The following MGAT4C variants were observed in gnomAD, a reference collection of about 807,000 sequenced individuals.
MGAT4C encodes the protein MGAT4 family member C.
MGAT4C carries 19 observed loss-of-function variants against 40.1 expected under a neutral mutation model. The ratio of observed to expected loss-of-function variants is 0.47; its 90% CI spans 0.33 to 0.70. MGAT4C has a LOEUF of 0.70. MGAT4C is among the 30% of genes least tolerant of loss of function. The probability of loss-of-function intolerance (pLI) is 0.02; values close to 1 mark genes in which losing one functional copy is unlikely to be tolerated. For synonymous variants in MGAT4C, 181 were observed against 187.1 expected (o/e 0.97, Z 0.27); for missense variants, 491 against 563.2 (o/e 0.87, Z 1.30).
At chr12:86,831,367 C>G (rs1952924570) in intron 1 of MGAT4C, among the ~76,000 whole-genome samples, 1 of 151,590 alleles carries the variant, frequency 6.6e-6, no homozygotes, top group Non-Finnish European at 1.5e-5. Context: ...TGTTACAAAT[C>G]CTATACACTT....
In MGAT4C at chr12:86,408,477, C is replaced by A. The variant is rs200563728; in HGVS notation, c.-120+26680G>T. 7.3e-3 allele frequency among the ~76,000 whole-genome samples: 709 copies of A among 96,910 alleles called. 2 individuals carry two copies. Among genetic ancestry groups the A allele is most frequent in the East Asian group, 0.027 (68 of 2,482 alleles). 63.6% of individuals were successfully genotyped at this position (96,910 alleles called of 152,430 possible). ...TCTCTCTCTCTCTCTCTCTCTCTCT[C>A]TCTATATATATATATATATATATAT... is the stretch of plus-strand genomic sequence containing the variant. On this transcript the variant is annotated intron_variant, in intron 3 of 7. Coordinates refer to the MGAT4C transcript ENST00000548651.
chr12:86,143,369 T>G (rs1488522412), intron 1 of MGAT4C, among the ~76,000 whole-genome samples: 1 of 152,170 alleles, frequency 6.6e-6, no homozygotes, highest in East Asian at 1.9e-4. Context: ...AAAACCAATT[T>G]ACATTTAATT....
intron 1 of MGAT4C, among the ~76,000 whole-genome samples, chr12:86,253,264 A>G (rs1952376956): frequency 6.6e-6 from 1 of 151,920 alleles, no homozygotes. Context: ...CCAAGTACCT[A>G]GAAGAGTGCC....
intron 2 of MGAT4C, among the ~76,000 whole-genome samples, chr12:86,014,663 G>C (rs10863147): frequency 0.45 from 67,946 of 151,736 alleles, 16,077 homozygotes; most frequent in African/African-American, 0.54. Context: ...TCACCCTGCT[G>C]TTGGCAAGAA....
intron 1 of MGAT4C, among the ~76,000 whole-genome samples, chr12:86,769,940 C>T (rs1724669322): frequency 6.6e-6 from 1 of 151,922 alleles, no homozygotes; most frequent in Non-Finnish European, 1.5e-5. Flanking sequence ...TGCAGCACAC[C>T]AGCATGGCAC....
chr12:86,550,156 G>T (rs1959277517), intron 2 of MGAT4C, among the ~76,000 whole-genome samples: 1 of 152,086 alleles, frequency 6.6e-6, no homozygotes. Context: ...ATAGGTACTT[G>T]TTTCTTCTTC....
chr12:86,743,108 GTGTA>G (rs1186023601), intron 1 of MGAT4C, among the ~76,000 whole-genome samples: 1 of 135,764 alleles, frequency 7.4e-6, no homozygotes, highest in Non-Finnish European at 1.6e-5. Flanking sequence ...GTATGTATGT[GTGTA>G]TGCATGTGTG....
At chr12:86,222,439 C>T (rs1423688195) in intron 1 of MGAT4C, among the ~76,000 whole-genome samples, 1 of 152,118 alleles carries the variant, frequency 6.6e-6, no homozygotes, top group African/African-American at 2.4e-5. Flanking sequence ...ATTTTCCTGA[C>T]ATTGAACGAA....
At chr12:86,382,722 C>T (rs1034992580) in intron 3 of MGAT4C, among the ~76,000 whole-genome samples, 1 of 152,174 alleles carries the variant, frequency 6.6e-6, no homozygotes, top group African/African-American at 2.4e-5. Context: ...CCTAGCTGCT[C>T]CAGCCAGGGC....
chr12:86,585,571 A>G (rs1960984280), intron 2 of MGAT4C, among the ~76,000 whole-genome samples: 1 of 151,402 alleles, frequency 6.6e-6, no homozygotes, highest in Non-Finnish European at 1.5e-5. Flanking sequence ...CATATTAATA[A>G]TTTAATGAAC....
chr12:86,771,350 A>T (rs1359828460), intron 1 of MGAT4C, among the ~76,000 whole-genome samples: 1 of 152,180 alleles, frequency 6.6e-6, no homozygotes, highest in African/African-American at 2.4e-5. Context: ...ACATTGAAAA[A>T]TATGAAAGTG....
At chr12:86,717,026 C>T (rs553148415) in intron 2 of MGAT4C, among the ~76,000 whole-genome samples, 3 of 152,184 alleles carry the variant, frequency 2.0e-5, no homozygotes, top group Non-Finnish European at 4.4e-5. Flanking sequence ...CATGGTTTCT[C>T]ATGGTTTGTG....
intron 2 of MGAT4C, among the ~76,000 whole-genome samples, chr12:86,458,020 T>C (rs1957538524): frequency 6.6e-6 from 1 of 152,028 alleles, no homozygotes; most frequent in African/African-American, 2.4e-5. Flanking sequence ...AAAACTTTTT[T>C]GTCAATACAA....
intron 1 of MGAT4C, among the ~76,000 whole-genome samples, chr12:86,824,178 ACCC>A (rs1952758177): frequency 6.6e-6 from 1 of 151,252 alleles, no homozygotes; most frequent in Non-Finnish European, 1.5e-5. Flanking sequence ...TATCAGATTG[ACCC>A]TGGCATATTA....
intron 1 of MGAT4C, among the ~76,000 whole-genome samples, chr12:86,193,214 T>A (rs1889722873): frequency 1.3e-5 from 2 of 150,238 alleles, no homozygotes; most frequent in Admixed American, 1.3e-4. Context: ...TAGAATGAAA[T>A]CCTTTTTTAT....
At chr12:86,475,720 T>C (rs140483647) in intron 2 of MGAT4C, among the ~76,000 whole-genome samples, 1 of 152,222 alleles carries the variant, frequency 6.6e-6, no homozygotes, top group East Asian at 1.9e-4. Flanking sequence ...AAATTAAAAA[T>C]GTGATAGCCA....
At chr12:86,520,769 T>C (rs1958779671) in intron 2 of MGAT4C, among the ~76,000 whole-genome samples, 1 of 152,132 alleles carries the variant, frequency 6.6e-6, no homozygotes, top group South Asian at 2.1e-4. Flanking sequence ...TTAATAGCCA[T>C]TCTGACTGGT....
chr12:86,198,519 T>G (rs1337466487), intron 1 of MGAT4C, among the ~76,000 whole-genome samples: 1 of 152,236 alleles, frequency 6.6e-6, no homozygotes, highest in African/African-American at 2.4e-5. Context: ...GCATTTTCAT[T>G]GTTCGCATGC....
chr12:86,450,108 G>C (rs1483672315), intron 2 of MGAT4C, among the ~76,000 whole-genome samples: 1 of 151,996 alleles, frequency 6.6e-6, no homozygotes, highest in African/African-American at 2.4e-5. Context: ...GTATTCATAT[G>C]TTCAGCGTTA....
Sources: allele counts gnomAD v4.1 joint callset (sites outside exome capture counted in the v4.1 genomes callset), GRCh38; gene constraint gnomAD v4.1.1; transcripts MANE v1.5; gene names NCBI Gene and HGNC (gene_info 2026-07-23, HGNC 2026-07-21).